Variants in COL17A1 observed in about 807,000 individuals in gnomAD.
COL17A1 encodes collagen alpha-1(XVII) chain.
COL17A1 carries 181 observed loss-of-function variants against 218.4 expected under a neutral mutation model. The observed-to-expected ratio is 0.83, with a 90% CI of 0.73 to 0.94. The LOEUF is 0.94. Ranked by LOEUF, COL17A1 falls within the 40% of genes least tolerant of loss-of-function variation. The pLI is 0.00. For synonymous variants in COL17A1, 721 were observed against 731.0 expected (o/e 0.99, Z 0.22); for missense variants, 1,924 against 1,945.9 (o/e 0.99, Z 0.21).
At chr10:104,061,357 C>G in intron 13 of COL17A1, 48 bp downstream of exon 13, 1 of 1,562,932 alleles carries the variant, frequency 6.4e-7, no homozygotes, top group Non-Finnish European at 8.8e-7. Context: ...GCAGAGTAAT[C>G]CTCCCTGTGC....
intron 6 of COL17A1, 123 bp downstream of exon 6, chr10:104,074,061 C>G (rs2086689340): frequency 1.3e-6 from 2 of 1,506,476 alleles, no homozygotes; most frequent in African/African-American, 2.8e-5. Flanking sequence ...CAGCAGGGGT[C>G]AAACTCTTTT....
intron 48 of COL17A1, among the ~76,000 whole-genome samples, chr10:104,036,290 C>T (rs2086297688): frequency 2.1e-5 from 2 of 95,260 alleles, no homozygotes; most frequent in South Asian, 3.4e-4. Context: ...GTGCCTGAGA[C>T]CCCCGTTTTG....
In COL17A1 at chr10:104,034,020, C is replaced by T. The variant is rs143021968; in HGVS notation, c.4081G>A (p.Gly1361Arg). Reference protein sequence around the residue: ...AEGGMYAGNGGLLGADFAGDL... With the variant: ...AEGGMYAGNGRLLGADFAGDL... The stretch of plus-strand genomic sequence containing the variant: ...CCAGCAAAGTCAGCTCCCAATAGTC[C>T]GCCATTGCCAGCATACATGCCGCCT... Residue 1361 changes from glycine (G) to arginine (R), a missense_variant, in exon 52 of 56, where the codon GGA becomes AGA. Gly to Arg is a moderately radical substitution (Grantham distance 125). Coordinates refer to ENST00000648076, the MANE Select transcript of COL17A1 (RefSeq NM_000494.4). The T allele has an allele frequency of 1.2e-4, 201 of 1,614,182 alleles. No individual in the cohort carries two copies. Among genetic ancestry groups the T allele is most frequent in the African/African-American group, 5.5e-4 (41 of 75,048 alleles).
At position 104,041,118 on chromosome 10, in the gene COL17A1, C is replaced by CCTGTGGGGTTTGCTCT; in HGVS notation, c.2648-1_2648insAGAGCAAACCCCACAG (p.Gly883GlufsTer87). 6.2e-7 allele frequency: 1 copy of CCTGTGGGGTTTGCTCT among 1,607,078 alleles called. No individual in the cohort carries two copies. Among genetic ancestry groups the CCTGTGGGGTTTGCTCT allele is most frequent in the South Asian group, 1.1e-5 (1 of 90,778 alleles). Reference sequence around the variant, plus strand: ...GCCTGGTGGGCCTGGCAAACCCTCCCCTAGGAAAGAGAACCCCCAAGACTT... The same window carrying CCTGTGGGGTTTGCTCT: ...GCCTGGTGGGCCTGGCAAACCCTCCCCTGTGGGGTTTGCTCTCTAGGAAAGAGAACCCCCAAGACTT... On this transcript the variant is annotated frameshift_variant and splice_region_variant. Coordinates refer to ENST00000648076, the MANE Select transcript of COL17A1 (RefSeq NM_000494.4). LOFTEE classifies it high-confidence loss of function.
intron 36 of COL17A1, 99 bp from the exon 37 acceptor site, chr10:104,041,637 A>G (rs2134586863): frequency 9.8e-7 from 1 of 1,024,196 alleles, no homozygotes; most frequent in Non-Finnish European, 1.5e-6. Context: ...CAGGCACTCC[A>G]GGCTACCCTC....
intron 33 of COL17A1, among the ~76,000 whole-genome samples, chr10:104,044,877 G>A (rs1412720008): frequency 6.6e-6 from 1 of 152,128 alleles, no homozygotes; most frequent in Non-Finnish European, 1.5e-5. Context: ...AGTGTGGTCT[G>A]CCTGGGACCT....
At chr10:104,064,665 A>G in intron 9 of COL17A1, 69 bp from the exon 10 acceptor site, 1 of 1,438,604 alleles carries the variant, frequency 7.0e-7, no homozygotes, top group Non-Finnish European at 9.6e-7. Context: ...GAATCTAGTC[A>G]CCTCATTTTG....
chr10:104,049,358 G>C, intron 29 of COL17A1, 51 bp downstream of exon 29: 1 of 1,554,464 alleles, frequency 6.4e-7, no homozygotes, highest in East Asian at 2.2e-5. Flanking sequence ...CAGGGTCGTG[G>C]TGACCCCTCA....
chr10:104,043,574 T>C lies in COL17A1; in HGVS notation c.2442A>G (p.Ser814=), dbSNP rs762358757. The C allele has an allele frequency of 1.2e-6, 2 of 1,614,002 alleles. No individual in the cohort carries two copies. The highest frequency in any genetic ancestry group is 4.5e-5 in the East Asian group (2 of 44,862). The part of the protein sequence containing the change: ...APGKIVTSEG[S]SMLTVPGPPG... ...GGGGGCCTGGGACAGTGAGCATCGA[T>C]GACCCCTCTGAAAACAGAAGGCACA... The change falls in exon 35 of 56, where the codon TCA becomes TCG. Residue 814 remains serine, a synonymous_variant. Transcript: ENST00000648076.
intron 16 of COL17A1, 70 bp from the exon 17 acceptor site, chr10:104,057,242 T>C: frequency 1.2e-6 from 2 of 1,611,994 alleles, no homozygotes; most frequent in South Asian, 2.2e-5. Context: ...ATTCTCTGAC[T>C]TTTGGTGACT....
At chr10:104,063,626 T>C (rs1464261740) in intron 11 of COL17A1, 121 bp downstream of exon 11, 3 of 1,461,536 alleles carry the variant, frequency 2.1e-6, no homozygotes, top group Non-Finnish European at 2.8e-6. Context: ...TGTGCAACCC[T>C]GTGCCTCTGC....
rs764856180 is a variant in COL17A1 at position 104,064,612 on chromosome 10, T to G, written c.608-16A>C. 9 of 1,607,680 alleles carry G rather than the reference T, an allele frequency of 5.6e-6. No homozygotes were observed. The highest frequency in any genetic ancestry group is 3.3e-5 in the South Asian group (3 of 90,138). ...GTGCCTGACACTGGAAACAGACACATGCACACACCCCAGTGAGAGACAAAT... is the reference window on the plus strand; with the variant it reads ...GTGCCTGACACTGGAAACAGACACAGGCACACACCCCAGTGAGAGACAAAT... On this transcript the variant is annotated splice_polypyrimidine_tract_variant and intron_variant, in intron 9 of 55. Coordinates refer to ENST00000648076, the MANE Select transcript of COL17A1 (RefSeq NM_000494.4).
intron 2 of COL17A1, 44 bp from the exon 3 acceptor site, chr10:104,078,630 G>T: frequency 6.2e-7 from 1 of 1,612,614 alleles, no homozygotes; most frequent in South Asian, 1.1e-5. Flanking sequence ...GTAATGCACT[G>T]ACACCTCTGG....
Position 104,042,405 on chromosome 10 carries a change from C to A in COL17A1, c.2551+15G>T. 6.2e-7 allele frequency: 1 copy of A among 1,614,162 alleles called. No individual in the cohort carries two copies. The highest frequency in any genetic ancestry group is 8.5e-7 in the Non-Finnish European group (1 of 1,179,996). On this transcript the variant is annotated intron_variant, in intron 36 of 55. Coordinates refer to ENST00000648076, the MANE Select transcript of COL17A1 (RefSeq NM_000494.4). ...CTGGGCCCATCGCTTTGCATTCTTG[C>A]AGGGTGTGACATACCTTGATGTCCT...
At chr10:104,052,022 C>T (rs2086474230) in intron 24 of COL17A1, 133 bp downstream of exon 24, 1 of 1,231,768 alleles carries the variant, frequency 8.1e-7, no homozygotes, top group Admixed American at 1.7e-5. Context: ...TTTGGACCCA[C>T]CCACCACCCC....
At chr10:104,051,626 C>T (rs1367233049) in intron 24 of COL17A1, 110 bp from the exon 25 acceptor site, 2 of 1,377,862 alleles carry the variant, frequency 1.5e-6, no homozygotes, top group Non-Finnish European at 2.0e-6. Context: ...CAGGTGAGGG[C>T]TGTGTGAGTG....
At chr10:104,051,444 G>T (rs1041618687) in intron 25 of COL17A1, 37 bp downstream of exon 25, 1 of 1,613,338 alleles carries the variant, frequency 6.2e-7, no homozygotes, top group Non-Finnish European at 8.5e-7. Context: ...CCTTTGCCCT[G>T]GAAACAGAAC....
Position 104,051,431 on chromosome 10 carries a change from C to G in COL17A1, c.2038+50G>C, listed in dbSNP as rs778659607. 2.5e-6 allele frequency: 4 copies of G among 1,609,436 alleles called. No individual in the cohort carries two copies. In the East Asian group the frequency reaches 8.9e-5, roughly 36 times the overall value. ...ATATTTGGTTTTCCTTTTAACATTGCCACCTTTGCCCTGGAAACAGAACCT... is the reference window on the plus strand; with the variant it reads ...ATATTTGGTTTTCCTTTTAACATTGGCACCTTTGCCCTGGAAACAGAACCT... On this transcript the variant is annotated intron_variant, in intron 25 of 55. Coordinates refer to ENST00000648076, the MANE Select transcript of COL17A1 (RefSeq NM_000494.4).
chr10:104,047,456 G>A (rs1455418200), intron 31 of COL17A1, among the ~76,000 whole-genome samples: 1 of 152,138 alleles, frequency 6.6e-6, no homozygotes, highest in Non-Finnish European at 1.5e-5. Context: ...CTTCTGAATT[G>A]CCAGACTTAG....
Sources: gnomAD v4.1 joint callset for allele counts (sites outside exome capture counted in the v4.1 genomes callset) on GRCh38, gnomAD v4.1.1 for gene constraint, MANE v1.5 for transcripts, NCBI Gene and HGNC (gene_info 2026-07-23, HGNC 2026-07-21) for gene names.